Variants in BMPR2 observed in about 807,000 individuals in gnomAD.
The protein encoded by BMPR2 is bone morphogenetic protein receptor type-2.
In BMPR2, 29 loss-of-function variants were observed where a neutral mutation model predicts 100.8. The ratio of observed to expected loss-of-function variants is 0.29; its 90% confidence interval spans 0.21 to 0.39. The LOEUF (loss-of-function observed/expected upper bound fraction) is 0.39. Among genes scored for constraint, BMPR2 ranks in the 10% least tolerant of loss-of-function variants. BMPR2 has a pLI of 1.00. For synonymous variants in BMPR2, 382 were observed against 442.3 expected (o/e 0.86, Z 1.71); for missense variants, 1,011 against 1,274.5 (o/e 0.79, Z 3.15).
chr2:202,412,878 AGAG>A (rs1305125340), intron 1 of BMPR2, among the ~76,000 whole-genome samples: 10 of 152,258 alleles, frequency 6.6e-5, no homozygotes, highest in East Asian at 3.9e-4. Flanking sequence ...TAAGGCAGGA[AGAG>A]GAGAAGTATT....
At chr2:202,382,081 A>G (rs1206898713) in intron 1 of BMPR2, among the ~76,000 whole-genome samples, 1 of 124,470 alleles carries the variant, frequency 8.0e-6, no homozygotes, top group Non-Finnish European at 1.6e-5. Flanking sequence ...TTTTTTTGAG[A>G]TGGAGTCTTG....
At chr2:202,541,290 A>T (rs568944519) in intron 9 of BMPR2, among the ~76,000 whole-genome samples, 3 of 152,186 alleles carry the variant, frequency 2.0e-5, no homozygotes, top group East Asian at 1.9e-4. Flanking sequence ...AAATATTTTT[A>T]AAAATTAGCT....
intron 1 of BMPR2, among the ~76,000 whole-genome samples, chr2:202,407,016 C>T (rs1312618862): frequency 6.6e-6 from 1 of 150,540 alleles, no homozygotes; most frequent in African/African-American, 2.4e-5. Context: ...GGTGTGATCT[C>T]GGCTCACTGC....
chr2:202,541,622 T>TC (rs900307115), intron 9 of BMPR2, among the ~76,000 whole-genome samples: 1 of 152,188 alleles, frequency 6.6e-6, no homozygotes, highest in Non-Finnish European at 1.5e-5. Flanking sequence ...CTGGAGTTTT[T>TC]CCTCATCTTT....
At chr2:202,416,649 G>A (rs1270892047) in intron 1 of BMPR2, among the ~76,000 whole-genome samples, 1 of 150,606 alleles carries the variant, frequency 6.6e-6, no homozygotes, top group Non-Finnish European at 1.5e-5. Flanking sequence ...TGGTCTCTAT[G>A]TCTTGACCTC....
intron 3 of BMPR2, among the ~76,000 whole-genome samples, chr2:202,491,032 T>C (rs1468504256): frequency 6.6e-6 from 1 of 151,984 alleles, no homozygotes; most frequent in African/African-American, 2.4e-5. Context: ...CCAGGTTCAA[T>C]TGATTCTCCT....
chr2:202,506,146 T>C (rs1396636006), intron 3 of BMPR2, among the ~76,000 whole-genome samples: 2 of 151,578 alleles, frequency 1.3e-5, no homozygotes, highest in Admixed American at 1.3e-4. Context: ...GTGTCTCCTC[T>C]TTTTTAATTT....
chr2:202,404,636 T>C (rs1422731898), intron 1 of BMPR2, among the ~76,000 whole-genome samples: 1 of 152,232 alleles, frequency 6.6e-6, no homozygotes, highest in Non-Finnish European at 1.5e-5. Flanking sequence ...TATTTCCTTT[T>C]GGAGTTCATA....
chr2:202,427,956 G>A (rs1009074315), intron 1 of BMPR2, among the ~76,000 whole-genome samples: 1 of 152,160 alleles, frequency 6.6e-6, no homozygotes, highest in African/African-American at 2.4e-5. Context: ...TCCAGCCTGG[G>A]TGACAGAGTG....
At chr2:202,535,311 G>T (rs1166601598) in intron 9 of BMPR2, among the ~76,000 whole-genome samples, 2 of 150,302 alleles carry the variant, frequency 1.3e-5, no homozygotes, top group Non-Finnish European at 3.0e-5. Flanking sequence ...GGGCGGAGGG[G>T]CTCCTCACTT....
At chr2:202,548,715 C>T (rs1688419011) in intron 10 of BMPR2, among the ~76,000 whole-genome samples, 1 of 151,926 alleles carries the variant, frequency 6.6e-6, no homozygotes, top group Non-Finnish European at 1.5e-5. Context: ...CTTGTCTTTC[C>T]TCATTAGTGT....
intron 1 of BMPR2, among the ~76,000 whole-genome samples, chr2:202,406,614 T>TA (rs1690896356): frequency 6.6e-6 from 1 of 152,234 alleles, no homozygotes; most frequent in Admixed American, 6.5e-5. Context: ...GCTTATCCCT[T>TA]ATGGTTTTAC....
intron 3 of BMPR2, among the ~76,000 whole-genome samples, chr2:202,506,761 G>C (rs182864564): frequency 6.6e-6 from 1 of 152,062 alleles, no homozygotes; most frequent in African/African-American, 2.4e-5. Context: ...TTAGTTGGGC[G>C]TGGTGGCATG....
intron 3 of BMPR2, among the ~76,000 whole-genome samples, chr2:202,496,519 T>C (rs1183567841): frequency 1.3e-5 from 2 of 152,130 alleles, no homozygotes; most frequent in Non-Finnish European, 2.9e-5. Context: ...AATTAAATAA[T>C]TGTTATGAAG....
Position 202,565,763 on chromosome 2 carries a change from T to C in BMPR2, c.*5817T>C, listed in dbSNP as rs1688749646. 1 of 152,294 alleles carries C rather than the reference T, an allele frequency of 6.6e-6. No individual in the cohort carries two copies. The highest frequency in any genetic ancestry group is 1.5e-5 in the Non-Finnish European group (1 of 68,010). 9.4% of individuals were successfully genotyped at this position (152,294 alleles called of 1,614,324 possible). ...ACATTTTTGTAGACCACTTTTGAAA[T>C]ACTTATTATTTTGCAACATAGACTG... On this transcript the variant is annotated 3_prime_UTR_variant, in exon 13 of 13. Transcript: ENST00000374580.
intron 9 of BMPR2, among the ~76,000 whole-genome samples, chr2:202,537,980 G>T (rs1688195134): frequency 6.6e-6 from 1 of 151,960 alleles, no homozygotes; most frequent in Non-Finnish European, 1.5e-5. Context: ...AAATTAGACA[G>T]GTGCAGTGGC....
At position 202,383,375 on chromosome 2, in the gene BMPR2, C is replaced by T. The variant is rs192245934; in HGVS notation, c.76+5825C>T. 4.8e-3 allele frequency among the ~76,000 whole-genome samples: 729 copies of T among 151,930 alleles called. 7 individuals carry two copies. Among genetic ancestry groups the T allele is most frequent in the Non-Finnish European group, 8.3e-3 (567 of 67,946 alleles). On this transcript the variant is annotated intron_variant, in intron 1 of 12. Transcript: ENST00000374580. The stretch of plus-strand genomic sequence containing the variant: ...CAGCCTGACTAACGTGGTGAAACCC[C>T]GTCTCTACTAAAATACAAAATTAGG...
intron 1 of BMPR2, among the ~76,000 whole-genome samples, chr2:202,417,389 G>A (rs1691155994): frequency 1.3e-5 from 2 of 152,080 alleles, no homozygotes; most frequent in South Asian, 2.1e-4. Flanking sequence ...CGCAGCCTCC[G>A]CCTTCCGGGT....
chr2:202,440,465 C>T (rs1691715120), intron 1 of BMPR2, among the ~76,000 whole-genome samples: 1 of 148,924 alleles, frequency 6.7e-6, no homozygotes, highest in Non-Finnish European at 1.5e-5. Flanking sequence ...CGGGAAGAGG[C>T]GCTCCTCACT....
Sources: gnomAD v4.1 joint callset for allele counts (sites outside exome capture counted in the v4.1 genomes callset) on GRCh38, gnomAD v4.1.1 for gene constraint, MANE v1.5 for transcripts, NCBI Gene and HGNC (gene_info 2026-07-23, HGNC 2026-07-21) for gene names.